NKAIN3: variants seen among roughly 807,000 people sequenced by gnomAD.
NKAIN3 encodes the protein sodium/potassium-transporting ATPase subunit beta-1-interacting protein 3.
A neutral mutation model predicts 30.2 loss-of-function variants in NKAIN3; 25 were observed. The observed-to-expected ratio is 0.83, with a 90% CI of 0.60 to 1.16. The LOEUF is 1.16. NKAIN3 is among the 50% of genes most tolerant of loss of function. The pLI is 0.00. For missense variants in NKAIN3, 225 were observed against 254.1 expected, an observed-to-expected ratio of 0.89 and a Z score of 0.78; for synonymous variants, 91 against 89.6, an observed-to-expected ratio of 1.02 and a Z score of -0.09.
At chr8:62,719,719 C>A (rs1336491232) in intron 3 of NKAIN3, among the ~76,000 whole-genome samples, 1 of 151,116 alleles carries the variant, frequency 6.6e-6, no homozygotes, top group Non-Finnish European at 1.5e-5. Context: ...TTAACATTTC[C>A]TGTAATCTTC....
At chr8:62,285,683 C>T (rs566815758) in intron 1 of NKAIN3, among the ~76,000 whole-genome samples, 1 of 152,258 alleles carries the variant, frequency 6.6e-6, no homozygotes, top group Non-Finnish European at 1.5e-5. Flanking sequence ...TAGGATGAAG[C>T]CTGATGCCCA....
intron 4 of NKAIN3, among the ~76,000 whole-genome samples, chr8:62,848,242 C>T (rs28825674): frequency 0.11 from 16,870 of 152,174 alleles, 1,004 homozygotes; most frequent in African/African-American, 0.15. Context: ...GGGAGTAGCA[C>T]TGAATCTATA....
intron 4 of NKAIN3, chr8:62,856,368 T>G (rs1191130238): frequency 1.2e-6 from 1 of 847,126 alleles, no homozygotes; most frequent in East Asian, 2.4e-5. Flanking sequence ...CTCCTTGGAG[T>G]GAACCTTCTA....
At chr8:62,297,580 C>A (rs1813877941) in intron 1 of NKAIN3, among the ~76,000 whole-genome samples, 1 of 151,946 alleles carries the variant, frequency 6.6e-6, no homozygotes, top group Admixed American at 6.6e-5. Flanking sequence ...AAATGCTCAC[C>A]ATCACTGGCC....
chr8:62,301,071 T>C (rs775394329), intron 1 of NKAIN3, among the ~76,000 whole-genome samples: 12 of 152,114 alleles, frequency 7.9e-5, no homozygotes, highest in African/African-American at 1.2e-4. Flanking sequence ...GGCATTGCTC[T>C]ATTTTGGATA....
chr8:62,804,630 A>G lies in NKAIN3; in HGVS notation c.471+57501A>G, dbSNP rs1407624768. 2.0e-5 allele frequency among the ~76,000 whole-genome samples: 3 copies of G among 152,214 alleles called. No homozygotes were observed. The East Asian group carries it at 5.8e-4, about 29-fold the overall frequency. ...TCATGCTAAAAACTCTCAATAAATT[A>G]GGTATTGATGGGATGTACCTCAAAA... On this transcript the variant is annotated intron_variant, in intron 4 of 6. Transcript: ENST00000623646.
At chr8:62,720,832 T>G (rs139931244) in intron 3 of NKAIN3, among the ~76,000 whole-genome samples, 107 of 152,294 alleles carry the variant, frequency 7.0e-4, no homozygotes, top group African/African-American at 2.3e-3. Flanking sequence ...ACTTGCACAT[T>G]AACTTGTTCA....
At position 62,741,775 on chromosome 8, in the gene NKAIN3, G is replaced by A. The variant is rs138896336; in HGVS notation, c.274-5157G>A. Among the ~76,000 whole-genome samples the A allele has an allele frequency of 5.9e-5, 9 of 152,072 alleles. No homozygotes were observed. In the East Asian group the frequency reaches 1.2e-3, roughly 20 times the overall value. ...GGTAAAACTGATAATAAATTTGTAC[G>A]CTTTGCTCTCCTGTTAATTTGCCTT... On this transcript the variant is annotated intron_variant, in intron 3 of 6. Transcript: ENST00000623646.
chr8:62,948,760 G>A (rs1210253866), intron 5 of NKAIN3, among the ~76,000 whole-genome samples: 1 of 152,196 alleles, frequency 6.6e-6, no homozygotes, highest in African/African-American at 2.4e-5. Context: ...CATTACTAAT[G>A]TAATGTCTAG....
intron 4 of NKAIN3, among the ~76,000 whole-genome samples, chr8:62,850,532 T>G (rs1178338702): frequency 2.0e-5 from 3 of 152,162 alleles, no homozygotes; most frequent in Non-Finnish European, 2.9e-5. Flanking sequence ...TCCTTGCCCA[T>G]GCCTATGTCC....
intron 4 of NKAIN3, among the ~76,000 whole-genome samples, chr8:62,915,749 A>G (rs1327125547): frequency 1.3e-5 from 2 of 152,212 alleles, no homozygotes; most frequent in Non-Finnish European, 2.9e-5. Flanking sequence ...GTTTAGTAAG[A>G]AAATGTCCCG....
chr8:62,341,159 C>T (rs1451118366), intron 1 of NKAIN3, among the ~76,000 whole-genome samples: 1 of 152,002 alleles, frequency 6.6e-6, no homozygotes, highest in Admixed American at 6.6e-5. Context: ...AGACAAGTTA[C>T]ACAAGTGACA....
At chr8:62,320,006 C>T (rs1023757827) in intron 1 of NKAIN3, among the ~76,000 whole-genome samples, 6 of 152,098 alleles carry the variant, frequency 3.9e-5, no homozygotes, top group African/African-American at 1.4e-4. Flanking sequence ...CTTTATGAAT[C>T]TGGGTGCTCC....
At chr8:62,727,723 T>C (rs1395978660) in intron 3 of NKAIN3, among the ~76,000 whole-genome samples, 1 of 152,156 alleles carries the variant, frequency 6.6e-6, no homozygotes, top group Non-Finnish European at 1.5e-5. Context: ...ATATTTCATG[T>C]TCATGGGTAA....
intron 1 of NKAIN3, among the ~76,000 whole-genome samples, chr8:62,497,792 G>A (rs1414826391): frequency 6.6e-6 from 1 of 152,046 alleles, no homozygotes; most frequent in African/African-American, 2.4e-5. Flanking sequence ...CACTCTCTGG[G>A]TTCTAAGCCA....
chr8:62,541,549 T>C (rs190588186), intron 1 of NKAIN3, among the ~76,000 whole-genome samples: 4 of 152,264 alleles, frequency 2.6e-5, no homozygotes, highest in Admixed American at 1.3e-4. Flanking sequence ...CTGAAAACTT[T>C]TTCTTGTGCT....
At chr8:62,911,041 C>G (rs116529434) in intron 4 of NKAIN3, among the ~76,000 whole-genome samples, 1 of 152,070 alleles carries the variant, frequency 6.6e-6, no homozygotes, top group African/African-American at 2.4e-5. Flanking sequence ...AAGAGGCTAA[C>G]AATATGTTAA....
At chr8:62,482,568 G>A (rs1035343703) in intron 1 of NKAIN3, 2 of 152,306 alleles carry the variant, frequency 1.3e-5, no homozygotes, top group East Asian at 3.9e-4. Context: ...CAAAGGGATA[G>A]TCTGGCTTAG....
chr8:62,767,128 T>C (rs770153074), intron 4 of NKAIN3, among the ~76,000 whole-genome samples: 1 of 152,150 alleles, frequency 6.6e-6, no homozygotes, highest in Non-Finnish European at 1.5e-5. Flanking sequence ...ACTTAATTCT[T>C]TCCCTCCGCA....
Sources: gnomAD v4.1 joint callset for allele counts (sites outside exome capture counted in the v4.1 genomes callset) on GRCh38, gnomAD v4.1.1 for gene constraint, MANE v1.5 for transcripts, NCBI Gene and HGNC (gene_info 2026-07-23, HGNC 2026-07-21) for gene names.